The following TBC1D5 variants were observed in gnomAD, a reference collection of about 807,000 sequenced individuals.
TBC1D5 encodes the protein TBC1 domain family member 5, also known as TBC1 domain family, member 5.
In TBC1D5, 75 loss-of-function variants were observed where a neutral mutation model predicts 100.3. That is an observed-to-expected ratio of 0.75 (90% CI 0.62 to 0.91). The LOEUF is 0.91. Among genes scored for constraint, TBC1D5 ranks in the 40% least tolerant of loss-of-function variants. The pLI, the probability that TBC1D5 is intolerant of heterozygous loss-of-function variation, is 0.00. For synonymous variants in TBC1D5, 323 were observed against 325.6 expected, an observed-to-expected ratio of 0.99 and a Z score of 0.09; for missense variants, 910 against 942.4, an observed-to-expected ratio of 0.97 and a Z score of 0.45.
chr3:17,255,928 T>C (rs931119855), intron 16 of TBC1D5, among the ~76,000 whole-genome samples: 3 of 151,938 alleles, frequency 2.0e-5, no homozygotes, highest in Non-Finnish European at 4.4e-5. Context: ...CCCAGCTACT[T>C]GGGAGGCTGA....
At chr3:17,516,616 G>A (rs1488439172) in intron 2 of TBC1D5, among the ~76,000 whole-genome samples, 1 of 151,926 alleles carries the variant, frequency 6.6e-6, no homozygotes, top group Non-Finnish European at 1.5e-5. Context: ...ATACATTTTT[G>A]TAAATGCAAA....
At chr3:17,689,523 A>G (rs2070790604) in intron 1 of TBC1D5, among the ~76,000 whole-genome samples, 1 of 151,444 alleles carries the variant, frequency 6.6e-6, no homozygotes, top group East Asian at 1.9e-4. Context: ...TGTCTCAAAA[A>G]AAAAAAAAAA....
intron 13 of TBC1D5, among the ~76,000 whole-genome samples, chr3:17,361,360 C>G (rs923004515): frequency 1.3e-5 from 2 of 151,818 alleles, no homozygotes; most frequent in Non-Finnish European, 2.9e-5. Flanking sequence ...TAGCTGGAGA[C>G]AGAACAAGCA....
At chr3:17,619,399 T>A (rs1036613411) in intron 2 of TBC1D5, among the ~76,000 whole-genome samples, 1 of 152,296 alleles carries the variant, frequency 6.6e-6, no homozygotes, top group Middle Eastern at 3.4e-3. Context: ...ATGAAAACAG[T>A]GTAGGACTGC....
intron 1 of TBC1D5, among the ~76,000 whole-genome samples, chr3:17,714,236 T>C (rs902605408): frequency 6.6e-6 from 1 of 152,228 alleles, no homozygotes; most frequent in Non-Finnish European, 1.5e-5. Flanking sequence ...GCAATCATCT[T>C]GAAAACATGC....
intron 1 of TBC1D5, among the ~76,000 whole-genome samples, chr3:17,689,899 C>A (rs1393448126): frequency 1.0e-5 from 1 of 97,940 alleles, no homozygotes; most frequent in Admixed American, 1.2e-4. Flanking sequence ...GATAGGACCC[C>A]TCCCCCCCAA....
chr3:17,494,202 T>TA (rs2095674028), intron 3 of TBC1D5, among the ~76,000 whole-genome samples: 1 of 152,122 alleles, frequency 6.6e-6, no homozygotes, highest in African/African-American at 2.4e-5. Flanking sequence ...CCTGAGACCC[T>TA]ATTCGCCTGG....
chr3:17,673,431 C>T (rs2068214708), intron 1 of TBC1D5, among the ~76,000 whole-genome samples: 1 of 151,244 alleles, frequency 6.6e-6, no homozygotes, highest in African/African-American at 2.4e-5. Flanking sequence ...CCACCTCAGC[C>T]TCCCGAGTAC....
intron 3 of TBC1D5, among the ~76,000 whole-genome samples, chr3:17,437,129 C>A (rs2149479734): frequency 6.6e-6 from 1 of 152,326 alleles, no homozygotes; most frequent in Middle Eastern, 3.4e-3. Context: ...CATGTGCTCT[C>A]TTGCCCTCTT....
At chr3:17,509,362 A>T (rs190152581) in intron 2 of TBC1D5, among the ~76,000 whole-genome samples, 68 of 152,088 alleles carry the variant, frequency 4.5e-4, no homozygotes, top group Non-Finnish European at 3.2e-4. Flanking sequence ...TTATTTCCTT[A>T]GGATAAATTC....
chr3:17,190,906 A>C (rs2069795971), intron 18 of TBC1D5, among the ~76,000 whole-genome samples: 1 of 152,220 alleles, frequency 6.6e-6, no homozygotes, highest in African/African-American at 2.4e-5. Flanking sequence ...AGATGGGTGA[A>C]CAAGAAGTGG....
chr3:17,631,192 A>C (rs1577117806), intron 1 of TBC1D5, among the ~76,000 whole-genome samples: 1 of 152,234 alleles, frequency 6.6e-6, no homozygotes, highest in African/African-American at 2.4e-5. Flanking sequence ...GATATGAAGA[A>C]AGCATGTGTG....
chr3:17,680,461 A>C (rs2153809204), intron 1 of TBC1D5, among the ~76,000 whole-genome samples: 1 of 151,246 alleles, frequency 6.6e-6, no homozygotes, highest in Admixed American at 6.6e-5. Flanking sequence ...TCCTGGGCGC[A>C]AGTGATCCTC....
chr3:17,545,370 C>A (rs1169085047), intron 2 of TBC1D5, among the ~76,000 whole-genome samples: 101 of 152,352 alleles, frequency 6.6e-4, no homozygotes. Context: ...TCAACCTTTG[C>A]TGACACCTGA....
rs967280181 is a variant in TBC1D5, at chr3:17,311,765, G to A, written c.996-3631C>T. On this transcript the variant is annotated intron_variant, in intron 13 of 21. Transcript: ENST00000253692. ...TAGTAACCTTACAAGAACAAGTAAC[G>A]TAGAAACGTTACATTCAATTTAACA... Among the ~76,000 whole-genome samples, 6 of 151,966 alleles carry A rather than the reference G, an allele frequency of 3.9e-5. No homozygotes were observed. The East Asian group carries it at 9.6e-4, about 24-fold the overall frequency.
At chr3:17,614,562 T>C (rs2061966356) in intron 2 of TBC1D5, among the ~76,000 whole-genome samples, 1 of 152,212 alleles carries the variant, frequency 6.6e-6, no homozygotes, top group African/African-American at 2.4e-5. Flanking sequence ...TTTTATTTCG[T>C]TGAGCAGTGG....
At chr3:17,438,898 C>T (rs2094586065) in intron 3 of TBC1D5, among the ~76,000 whole-genome samples, 1 of 151,696 alleles carries the variant, frequency 6.6e-6, no homozygotes, top group African/African-American at 2.4e-5. Context: ...AATTCTAACC[C>T]TAACATTAAA....
chr3:17,406,423 A>G, exon 5 of TBC1D5: 1 of 1,605,920 alleles, frequency 6.2e-7, no homozygotes. Context: ...CTTACCTTCC[A>G]GCAAATGCTG....
chr3:17,732,154 C>A (rs1054661733), intron 1 of TBC1D5, among the ~76,000 whole-genome samples: 1 of 151,806 alleles, frequency 6.6e-6, no homozygotes, highest in Non-Finnish European at 1.5e-5. Flanking sequence ...CCCATCTCTA[C>A]TAAAAATACA....
Sources: allele counts gnomAD v4.1 joint callset (sites outside exome capture counted in the v4.1 genomes callset), GRCh38; gene constraint gnomAD v4.1.1; transcripts MANE v1.5; gene names NCBI Gene and HGNC (gene_info 2026-07-23, HGNC 2026-07-21).